OGG1: variants seen among roughly 807,000 people sequenced by gnomAD.
OGG1 encodes the protein 8-oxoguanine DNA glycosylase.
OGG1 carries 35 observed loss-of-function variants against 42.3 expected under a neutral mutation model. The observed-to-expected ratio is 0.83, with a 90% CI of 0.63 to 1.10. OGG1 has a LOEUF of 1.10. OGG1 is among the 50% of genes least tolerant of loss of function. The pLI is 0.00. For synonymous variants in OGG1, 189 were observed against 179.0 expected, an observed-to-expected ratio of 1.06 and a Z score of -0.44; for missense variants, 484 against 446.7, an observed-to-expected ratio of 1.08 and a Z score of -0.75.
At chr3:9,755,958 C>A (rs963052554) in intron 4 of OGG1, among the ~76,000 whole-genome samples, 13 of 152,166 alleles carry the variant, frequency 8.5e-5, no homozygotes, top group Admixed American at 7.2e-4. Flanking sequence ...TACCTTCTTC[C>A]CAGGTTATGA....
chr3:9,790,455 G>A (rs1385427336), downstream of OGG1, among the ~76,000 whole-genome samples: 1 of 152,158 alleles, frequency 6.6e-6, no homozygotes, highest in African/African-American at 2.4e-5. Flanking sequence ...GCACTTCACA[G>A]CTCCAACGTG....
At chr3:9,776,389 T>TC in intron 2 of OGG1, among the ~76,000 whole-genome samples, 1 of 56,064 alleles carries the variant, frequency 1.8e-5, no homozygotes, top group South Asian at 5.2e-4. Flanking sequence ...TTTTCTTTTC[T>TC]TTTTTTTTTT....
rs1234274919 is a variant in OGG1, at chr3:9,757,238, G to A, written c.*88G>A. The stretch of plus-strand genomic sequence containing the variant: ...CCCCATCCCCACCCAGTCTCATGTT[G>A]GGGAGGGGCCTCCCTGTGACTACCT... On this transcript the variant is annotated 3_prime_UTR_variant, in exon 7 of 7. Transcript: ENST00000344629. The surrounding 1 kb of genome is among the most constrained non-coding windows in gnomAD (Gnocchi z 4.5). 2 of 1,613,910 alleles carry A rather than the reference G, an allele frequency of 1.2e-6. No homozygotes were observed. Among genetic ancestry groups the A allele is most frequent in the East Asian group, 2.2e-5 (1 of 44,876 alleles).
chr3:9,759,859 C>T (rs1032850552), downstream of OGG1: 13 of 1,587,844 alleles, frequency 8.2e-6, no homozygotes, highest in Non-Finnish European at 1.1e-5. Flanking sequence ...GACAAAGAGG[C>T]CAAATCAGTC....
chr3:9,756,284 A>C (rs1435995678), intron 4 of OGG1, among the ~76,000 whole-genome samples, 187 bp from the exon 5 acceptor site: 1 of 152,258 alleles, frequency 6.6e-6, no homozygotes, highest in Non-Finnish European at 1.5e-5. Context: ...CCTAGGCAAC[A>C]GAGCGAGACT....
intron 7 of OGG1, chr3:9,763,105 G>A (rs2077966766): frequency 1.2e-6 from 2 of 1,614,164 alleles, no homozygotes; most frequent in Non-Finnish European, 8.5e-7. Context: ...AGCTGGGAGA[G>A]GTGTGGGGGC....
At chr3:9,786,954 C>T (rs376520816) in intron 3 of OGG1, 339 of 1,479,066 alleles carry the variant, frequency 2.3e-4, no homozygotes, top group Non-Finnish European at 3.1e-4. Context: ...ATAAGCATAA[C>T]ACATTAAAAC....
rs370954546 is a variant in OGG1 at position 9,755,359 on chromosome 3, C to T, written c.747+474C>T. Among the ~76,000 whole-genome samples the T allele has an allele frequency of 4.4e-4, 67 of 152,156 alleles. 3 individuals carry two copies. In the East Asian group the frequency reaches 6.6e-3, roughly 15 times the overall value. On this transcript the variant is annotated intron_variant, in intron 4 of 6. Transcript: ENST00000344629. ...AATTACAGGGATGAGCCACTGCTCCCGGCCACATTTTGTTCCTTTCGTAAA... is the reference window on the plus strand; with the variant it reads ...AATTACAGGGATGAGCCACTGCTCCTGGCCACATTTTGTTCCTTTCGTAAA...
At chr3:9,785,003 TTCTC>T (rs1202415468) in intron 3 of OGG1, among the ~76,000 whole-genome samples, 2 of 152,246 alleles carry the variant, frequency 1.3e-5, no homozygotes, top group Non-Finnish European at 2.9e-5. Flanking sequence ...TTAACTATAT[TTCTC>T]TATACTTGCA....
chr3:9,784,630 C>T lies in OGG1; in HGVS notation c.382+3030C>T, dbSNP rs548316405. ...CTGTAATCCCAGCACTTTGGAAGGC[C>T]GAGGTGGGAGGATCACCTGAGGTCA... On this transcript the variant is annotated intron_variant, in intron 3 of 3. Coordinates refer to the OGG1 transcript ENST00000426518. Among the ~76,000 whole-genome samples the T allele has an allele frequency of 3.3e-5, 5 of 151,926 alleles. 1 individual carries two copies. Among genetic ancestry groups the T allele is most frequent in the African/African-American group, 7.2e-5 (3 of 41,460 alleles).
intron 2 of OGG1, among the ~76,000 whole-genome samples, chr3:9,773,118 A>G (rs537500793): frequency 8.7e-4 from 133 of 152,046 alleles, no homozygotes; most frequent in Non-Finnish European, 1.5e-3. Flanking sequence ...ATCCCCAGCC[A>G]CTTGGGACGC....
chr3:9,759,674 T>C (rs1559695030), downstream of OGG1: 4 of 1,614,206 alleles, frequency 2.5e-6, no homozygotes, highest in Non-Finnish European at 3.4e-6. Context: ...ATTCTCACCA[T>C]GGGTGCTGCA....
chr3:9,753,114 G>T (rs1379575258), intron 3 of OGG1, among the ~76,000 whole-genome samples: 3 of 152,128 alleles, frequency 2.0e-5, no homozygotes, highest in Non-Finnish European at 4.4e-5. Context: ...CACTTTGGGA[G>T]GCTGAGGCAG....
At chr3:9,784,016 G>A (rs367748976) in intron 3 of OGG1, 2 of 1,611,330 alleles carry the variant, frequency 1.2e-6, no homozygotes, top group African/African-American at 1.3e-5. Context: ...TGTGCATCCT[G>A]CTAACGCTCA....
intron 3 of OGG1, among the ~76,000 whole-genome samples, chr3:9,753,322 CGA>C (rs1271310881): frequency 4.6e-5 from 6 of 130,938 alleles, no homozygotes; most frequent in Non-Finnish European, 1.0e-4. Context: ...CCAGCCTGGG[CGA>C]CAGGGCGACA....
chr3:9,784,189 C>G (rs2078549310), intron 3 of OGG1: 1 of 1,613,714 alleles, frequency 6.2e-7, no homozygotes, highest in South Asian at 1.1e-5. Context: ...TGATGCGGCT[C>G]TCCAGGGACT....
downstream of OGG1, chr3:9,761,329 GTAAT>G (rs1339266440): frequency 1.2e-6 from 1 of 862,048 alleles, no homozygotes; most frequent in Non-Finnish European, 1.8e-6. Flanking sequence ...AGTAATACTG[GTAAT>G]TGATTGGTGG....
At chr3:9,756,850 T>G (rs200191815) in intron 6 of OGG1, 34 bp downstream of exon 6, 50 of 1,612,844 alleles carry the variant, frequency 3.1e-5, no homozygotes, top group Non-Finnish European at 3.9e-5. Flanking sequence ...CTAGGTTTCC[T>G]CTCCTCCAGC....
chr3:9,760,426 C>A (rs556118437), downstream of OGG1: 1 of 473,308 alleles, frequency 2.1e-6, no homozygotes, highest in East Asian at 3.9e-5. Context: ...TTCAAATAGA[C>A]TATGTTTGAA....
Sources: gnomAD v4.1 joint callset for allele counts (sites outside exome capture counted in the v4.1 genomes callset) on GRCh38, gnomAD v4.1.1 for gene constraint, Gnocchi (gnomAD v3.1) non-coding constraint, MANE v1.5 for transcripts, NCBI Gene and HGNC (gene_info 2026-07-23, HGNC 2026-07-21) for gene names.